LGI1: variants seen among roughly 807,000 people sequenced by gnomAD.
LGI1 encodes leucine-rich glioma-inactivated protein 1.
Under a neutral mutation model 57.7 loss-of-function variants are expected in LGI1, and 11 were observed. The ratio of observed to expected loss-of-function variants is 0.19; its 90% CI spans 0.12 to 0.32. The LOEUF is 0.32. Ranked by LOEUF, LGI1 falls within the 10% of genes least tolerant of loss-of-function variation. The pLI, the probability that LGI1 is intolerant of heterozygous loss-of-function variation, is 1.00. For synonymous variants in LGI1, 222 were observed against 241.9 expected (o/e 0.92, Z 0.76); for missense variants, 422 against 661.9 (o/e 0.64, Z 3.98).
chr10:93,767,849 G>C (rs2059694793), intron 2 of LGI1: 1 of 152,146 alleles, frequency 6.6e-6, no homozygotes, highest in African/African-American at 2.4e-5. Flanking sequence ...ACAGGAAAAG[G>C]CTTCTGAGTG....
intron 2 of LGI1, chr10:93,764,681 T>C (rs1328273134): frequency 6.6e-6 from 1 of 152,210 alleles, no homozygotes; most frequent in Non-Finnish European, 1.5e-5. Flanking sequence ...TATCTATATC[T>C]ACAAAATGAG....
intron 5 of LGI1, chr10:93,790,496 A>G: frequency 3.6e-6 from 1 of 278,726 alleles, no homozygotes. Flanking sequence ...TTTTCTCATG[A>G]GGTCCAGGAA....
intron 2 of LGI1, chr10:93,771,284 A>C (rs1350767709): frequency 1.3e-5 from 2 of 152,242 alleles, no homozygotes; most frequent in African/African-American, 4.8e-5. Flanking sequence ...TAAATATTAA[A>C]AAGAAAATGT....
chr10:93,775,339 G>T (rs900473368), intron 2 of LGI1, among the ~76,000 whole-genome samples: 2 of 152,016 alleles, frequency 1.3e-5, no homozygotes, highest in Non-Finnish European at 2.9e-5. Flanking sequence ...TTGTGTTTTG[G>T]CTCCTTTCCT....
rs2059993576 is a variant in LGI1, at chr10:93,797,756, G to A, written c.1627G>A (p.Gly543Arg). Residue 543 changes from glycine to arginine, a missense_variant, in exon 8 of 8, where the codon GGA (glycine) becomes AGA (arginine). By Grantham distance (125) the Gly-to-Arg change is moderately radical. This residue lies in a region of LGI1 where 301 missense variants were observed against 461.7 expected (regional missense o/e 0.65). Transcript: ENST00000371418. The surrounding 1 kb of genome is among the most constrained non-coding windows in gnomAD (Gnocchi z 6.5). Reference sequence around the variant, plus strand: ...TTTTCTTTTTGCTTCCAGTTTTAAGGGAAATACACAGATTTACAAACATGT... The same window carrying A: ...TTTTCTTTTTGCTTCCAGTTTTAAGAGAAATACACAGATTTACAAACATGT... Reference protein sequence around the residue: ...RNFLFASSFKGNTQIYKHVIV... With the variant: ...RNFLFASSFKRNTQIYKHVIV... 1.9e-6 allele frequency: 3 copies of A among 1,607,248 alleles called. No individual in the cohort carries two copies. The highest frequency in any genetic ancestry group is 2.5e-6 in the Non-Finnish European group (3 of 1,179,942).
chr10:93,780,743 C>T (rs893042026), intron 4 of LGI1, among the ~76,000 whole-genome samples: 5 of 152,264 alleles, frequency 3.3e-5, no homozygotes, highest in East Asian at 1.9e-4. Flanking sequence ...TGCCAGTTAC[C>T]GCAGGACCAG....
intron 4 of LGI1, among the ~76,000 whole-genome samples, chr10:93,779,271 T>G (rs1396014909): frequency 6.6e-6 from 1 of 152,010 alleles, no homozygotes; most frequent in Non-Finnish European, 1.5e-5. Flanking sequence ...GTAGGGAGGA[T>G]GCACAGCCCA....
At chr10:93,776,484 G>C (rs9651442) in intron 2 of LGI1, among the ~76,000 whole-genome samples, 5,211 of 152,148 alleles carry the variant, frequency 0.034, 312 homozygotes, top group African/African-American at 0.12. Context: ...TTTAATTCCT[G>C]TAGTTCACAG....
chr10:93,779,198 C>T (rs1275152250), intron 4 of LGI1, among the ~76,000 whole-genome samples: 1 of 151,178 alleles, frequency 6.6e-6, no homozygotes, highest in Non-Finnish European at 1.5e-5. Flanking sequence ...ACTTGAAATC[C>T]ACTAGATTCA....
chr10:93,764,571 G>T (rs1392680389), intron 2 of LGI1: 1 of 152,144 alleles, frequency 6.6e-6, no homozygotes, highest in African/African-American at 2.4e-5. Context: ...CTGGCAATGA[G>T]GCAGACAACA....
intron 2 of LGI1, chr10:93,769,756 C>T (rs2059716267): frequency 6.6e-6 from 1 of 152,206 alleles, no homozygotes; most frequent in Non-Finnish European, 1.5e-5. Context: ...CAAGTGACAA[C>T]CAGGCACTGG....
intron 2 of LGI1, chr10:93,766,718 A>G (rs1368968786): frequency 6.6e-6 from 1 of 151,822 alleles, no homozygotes; most frequent in Non-Finnish European, 1.5e-5. Flanking sequence ...CGTGTTAGCC[A>G]GGATGGTCTC....
At chr10:93,766,510 C>CCCTTTTTTTTTTTTTTTT (rs2059679491) in intron 2 of LGI1, among the ~76,000 whole-genome samples, 1 of 17,560 alleles carries the variant, frequency 5.7e-5, no homozygotes, top group Non-Finnish European at 8.5e-5. Context: ...TTTTATAGAT[C>CCCTTTTTTTTTTTTTTTT]TCTTTTTTTT....
At chr10:93,777,668 G>A (rs1390086969) in intron 4 of LGI1, 51 bp downstream of exon 4, 1 of 1,433,172 alleles carries the variant, frequency 7.0e-7, no homozygotes, top group East Asian at 2.3e-5. Context: ...GGACAATGCA[G>A]TTTGATCACC....
At chr10:93,788,441 C>T (rs1309164930) in intron 4 of LGI1, 1 of 152,198 alleles carries the variant, frequency 6.6e-6, no homozygotes, top group Non-Finnish European at 1.5e-5. Flanking sequence ...CCTTGATTAT[C>T]TCATTTCCTT....
chr10:93,764,328 C>T (rs1456896426), intron 2 of LGI1: 2 of 152,238 alleles, frequency 1.3e-5, no homozygotes, highest in Non-Finnish European at 2.9e-5. Context: ...TCAAACAATC[C>T]TCCCACCTCA....
intron 2 of LGI1, 101 bp from the exon 3 acceptor site, chr10:93,777,278 T>C (rs529657524): frequency 9.9e-7 from 1 of 1,011,062 alleles, no homozygotes; most frequent in South Asian, 1.3e-5. Context: ...TGCAGACATT[T>C]TTCTGTATAC....
At position 93,796,982 on chromosome 10, in the gene LGI1, G is replaced by A. The variant is rs944813713; in HGVS notation, c.853G>A (p.Val285Ile). The change falls in exon 8 of 8, where the codon GTA becomes ATA. Residue 285 changes from valine (V) to isoleucine (I), a missense_variant. Val to Ile is a conservative substitution (Grantham distance 29, BLOSUM62 3). Coordinates refer to ENST00000371418, the MANE Select transcript of LGI1 (RefSeq NM_005097.4). ...YDNITGTSTV[V>I]CKPIVIETQL... is the part of the protein sequence containing the mutation. ...TCTTTTCCCAGGCACATCCACTGTA[G>A]TATGCAAGCCTATAGTCATTGAAAC... 1.2e-6 allele frequency: 2 copies of A among 1,613,614 alleles called. No homozygotes were observed. Among genetic ancestry groups the A allele is most frequent in the Non-Finnish European group, 1.7e-6 (2 of 1,179,772 alleles).
At chr10:93,760,691 G>A (rs2059613637) in intron 2 of LGI1, among the ~76,000 whole-genome samples, 1 of 152,214 alleles carries the variant, frequency 6.6e-6, no homozygotes, top group African/African-American at 2.4e-5. Context: ...ATAGTTACCG[G>A]CTGCTGCAGG....
Sources: allele counts gnomAD v4.1 joint callset (sites outside exome capture counted in the v4.1 genomes callset), GRCh38; gene constraint gnomAD v4.1.1; regional missense constraint gnomAD v4.1.1; non-coding constraint Gnocchi (gnomAD v3.1); transcripts MANE v1.5; gene names NCBI Gene and HGNC (gene_info 2026-07-23, HGNC 2026-07-21).